Variants in SLC23A2 observed in about 807,000 individuals in gnomAD.
SLC23A2 encodes the protein solute carrier family 23 member 2.
In SLC23A2, 36 loss-of-function variants were observed where a neutral mutation model predicts 73.3. The observed-to-expected ratio is 0.49, with a 90% confidence interval of 0.38 to 0.65. The LOEUF is 0.65. Ranked by LOEUF, SLC23A2 falls within the 30% of genes least tolerant of loss-of-function variation. The pLI, the probability that SLC23A2 is intolerant of heterozygous loss-of-function variation, is 0.00. For synonymous variants in SLC23A2, 343 were observed against 327.3 expected, an observed-to-expected ratio of 1.05 and a Z score of -0.52; for missense variants, 507 against 841.6, an observed-to-expected ratio of 0.60 and a Z score of 4.92.
chr20:4,920,756 C>T (rs1932476180), intron 3 of SLC23A2, among the ~76,000 whole-genome samples: 1 of 152,276 alleles, frequency 6.6e-6, no homozygotes, highest in African/African-American at 2.4e-5. Context: ...ACAAAAACTG[C>T]TCCCCCTAAA....
intron 15 of SLC23A2, among the ~76,000 whole-genome samples, chr20:4,860,948 G>A (rs1013586294): frequency 6.6e-5 from 10 of 152,316 alleles, no homozygotes; most frequent in African/African-American, 1.9e-4. Flanking sequence ...GGCTGAGGCA[G>A]GAGAATCGCT....
intron 7 of SLC23A2, 56 bp from the exon 8 acceptor site, chr20:4,884,879 A>G: frequency 2.0e-6 from 2 of 988,546 alleles, no homozygotes; most frequent in South Asian, 1.6e-5. Context: ...CACATGACAT[A>G]TTCATTTTAC....
intron 3 of SLC23A2, among the ~76,000 whole-genome samples, chr20:4,930,952 T>C (rs1363214188): frequency 2.7e-5 from 4 of 148,690 alleles, no homozygotes; most frequent in Admixed American, 6.9e-5. Context: ...CCCTCCAGCA[T>C]AGGCAAGAGT....
At chr20:4,898,276 G>C (rs1008189343) in intron 6 of SLC23A2, among the ~76,000 whole-genome samples, 3 of 152,212 alleles carry the variant, frequency 2.0e-5, no homozygotes, top group Non-Finnish European at 4.4e-5. Flanking sequence ...AAAGCCTTTA[G>C]TCCACATAGC....
chr20:4,909,299 G>A (rs1467174222), intron 4 of SLC23A2, among the ~76,000 whole-genome samples: 1 of 151,982 alleles, frequency 6.6e-6, no homozygotes, highest in African/African-American at 2.4e-5. Context: ...GCATCATGTC[G>A]GTGCTCAAAA....
chr20:4,916,242 G>A (rs3848824), intron 3 of SLC23A2, among the ~76,000 whole-genome samples: 44,462 of 151,978 alleles, frequency 0.29, 8,077 homozygotes, highest in East Asian at 0.63. Flanking sequence ...TCGCAGCAGT[G>A]CTCAACCCAC....
chr20:4,859,153 T>C, intron 16 of SLC23A2, 136 bp downstream of exon 16: 1 of 634,882 alleles, frequency 1.6e-6, no homozygotes, highest in Non-Finnish European at 2.8e-6. Flanking sequence ...TCACAACTGT[T>C]TTAGAAAACA....
chr20:4,993,444 C>T (rs1283777500), intron 1 of SLC23A2, among the ~76,000 whole-genome samples: 5 of 146,688 alleles, frequency 3.4e-5, no homozygotes, highest in Non-Finnish European at 7.5e-5. Flanking sequence ...ACCCAAAATC[C>T]AAAACACTTT....
intron 2 of SLC23A2, among the ~76,000 whole-genome samples, chr20:4,961,749 C>T (rs2087394196): frequency 6.6e-6 from 1 of 152,164 alleles, no homozygotes; most frequent in Non-Finnish European, 1.5e-5. Context: ...TAACCCCCTC[C>T]AAGTATCACA....
chr20:4,905,064 A>G (rs1167736626), intron 4 of SLC23A2, among the ~76,000 whole-genome samples: 2 of 146,598 alleles, frequency 1.4e-5, no homozygotes, highest in East Asian at 4.1e-4. Context: ...CAGTAAGCCA[A>G]GATCACACCA....
At chr20:4,865,279 C>T (rs564606841) in intron 13 of SLC23A2, among the ~76,000 whole-genome samples, 21 of 152,300 alleles carry the variant, frequency 1.4e-4, no homozygotes, top group East Asian at 1.4e-3. Context: ...AGAGATCTGA[C>T]GGCCAGCGAG....
At position 4,863,407 on chromosome 20, in the gene SLC23A2, C is replaced by A. The variant is rs908997008; in HGVS notation, c.1357-500G>T. 6.6e-6 allele frequency among the ~76,000 whole-genome samples: 1 copy of A among 152,240 alleles called. No homozygotes were observed. Among genetic ancestry groups the A allele is most frequent in the Non-Finnish European group, 1.5e-5 (1 of 68,034 alleles). ...CTGGAGCCTGACTGCGGGCTCTTCTCCTGGCCCACGTCTGACTGTATGGTC... is the reference window on the plus strand; with the variant it reads ...CTGGAGCCTGACTGCGGGCTCTTCTACTGGCCCACGTCTGACTGTATGGTC... On this transcript the variant is annotated intron_variant, in intron 13 of 16. Transcript: ENST00000338244. This position sits in a 1 kb window ranked among gnomAD's most constrained non-coding sequence, Gnocchi z 4.8.
chr20:4,995,728 T>C (rs1425717148), intron 1 of SLC23A2, among the ~76,000 whole-genome samples: 1 of 152,160 alleles, frequency 6.6e-6, no homozygotes, highest in Non-Finnish European at 1.5e-5. Context: ...ATCCTGACTC[T>C]ACTTGTCAGC....
At chr20:4,895,279 C>A (rs563409322) in intron 6 of SLC23A2, among the ~76,000 whole-genome samples, 1 of 152,204 alleles carries the variant, frequency 6.6e-6, no homozygotes, top group African/African-American at 2.4e-5. Flanking sequence ...GCCATCCTTC[C>A]GGCAGTGCTG....
intron 1 of SLC23A2, among the ~76,000 whole-genome samples, chr20:4,999,893 G>C (rs2088088799): frequency 6.6e-6 from 1 of 152,122 alleles, no homozygotes; most frequent in African/African-American, 2.4e-5. Flanking sequence ...AAATGCCTTG[G>C]TATTAAAAGA....
rs1366940852 is a variant in SLC23A2 at position 4,902,616 on chromosome 20, C to T, written c.208-58G>A. 1.2e-5 allele frequency: 11 copies of T among 925,864 alleles called. No homozygotes were observed. In the South Asian group the frequency reaches 1.2e-4, roughly 10 times the overall value. The allele number at this position is 925,864 out of a possible 1,614,324, so 57.4% of individuals were successfully genotyped here. Reference sequence around the variant, plus strand: ...TTAAACGTGAAGACCAGTGTTAGCTCGGCCATGTACAGGCCACTATTACAG... The same window carrying T: ...TTAAACGTGAAGACCAGTGTTAGCTTGGCCATGTACAGGCCACTATTACAG... On this transcript the variant is annotated intron_variant, in intron 4 of 16. Coordinates refer to ENST00000338244, the MANE Select transcript of SLC23A2 (RefSeq NM_005116.6). This position sits in a 1 kb window ranked among gnomAD's most constrained non-coding sequence, Gnocchi z 4.0.
intron 9 of SLC23A2, among the ~76,000 whole-genome samples, chr20:4,879,801 T>G (rs1930809936): frequency 6.6e-6 from 1 of 152,258 alleles, no homozygotes; most frequent in South Asian, 2.1e-4. Context: ...TCTTTCATTG[T>G]GTTATCTGTA....
At chr20:4,944,083 T>A (rs781616573) in intron 2 of SLC23A2, among the ~76,000 whole-genome samples, 56 of 152,242 alleles carry the variant, frequency 3.7e-4, no homozygotes, top group Non-Finnish European at 1.2e-4. Context: ...TCCATTTGGA[T>A]GTATATCCAC....
At chr20:4,952,375 T>C (rs1157468441) in intron 2 of SLC23A2, among the ~76,000 whole-genome samples, 1 of 152,136 alleles carries the variant, frequency 6.6e-6, no homozygotes, top group Non-Finnish European at 1.5e-5. Flanking sequence ...ACCTGGGTTG[T>C]CCACAGCAGT....
Sources: allele counts gnomAD v4.1 joint callset (sites outside exome capture counted in the v4.1 genomes callset), GRCh38; gene constraint gnomAD v4.1.1; non-coding constraint Gnocchi (gnomAD v3.1); transcripts MANE v1.5; gene names NCBI Gene and HGNC (gene_info 2026-07-23, HGNC 2026-07-21).